CCDC171: variants seen among roughly 807,000 people sequenced by gnomAD.
CCDC171 encodes coiled-coil domain containing 171.
In CCDC171, 177 loss-of-function variants were observed where a neutral mutation model predicts 168.2. The observed-to-expected ratio is 1.05, with a 90% CI of 0.93 to 1.19. The LOEUF (loss-of-function observed/expected upper bound fraction) is 1.19, where lower values mean the gene tolerates loss of function less well. Ranked by LOEUF, CCDC171 falls within the 50% of genes most tolerant of loss-of-function variation. The pLI is 0.00. For missense variants in CCDC171, 1,991 were observed against 1,539.0 expected (o/e 1.29, Z -4.91); for synonymous variants, 687 against 540.8 (o/e 1.27, Z -3.75).
chr9:16,059,215 T>A (rs1444000377), intron 1 of CCDC171, among the ~76,000 whole-genome samples: 1 of 152,210 alleles, frequency 6.6e-6, no homozygotes, highest in African/African-American at 2.4e-5. Context: ...ACATTTGTAT[T>A]TGCTCATGAG....
intron 1 of CCDC171, among the ~76,000 whole-genome samples, chr9:15,559,538 G>A (rs529824132): frequency 6.6e-6 from 1 of 152,216 alleles, no homozygotes; most frequent in East Asian, 1.9e-4. Context: ...TGTCTTATCA[G>A]AGATTAGGAT....
At chr9:15,784,161 A>G (rs1422450444) in intron 20 of CCDC171, among the ~76,000 whole-genome samples, 11 of 152,188 alleles carry the variant, frequency 7.2e-5, no homozygotes, top group Non-Finnish European at 1.5e-4. Flanking sequence ...GTGATCACTT[A>G]AAAGCCAAGG....
At chr9:15,573,914 A>G (rs1330213425) in intron 3 of CCDC171, among the ~76,000 whole-genome samples, 3 of 152,034 alleles carry the variant, frequency 2.0e-5, no homozygotes, top group African/African-American at 7.2e-5. Flanking sequence ...TAAAATAAAA[A>G]TAAATATATT....
chr9:16,092,543 A>G, the CCDC171 span, among the ~76,000 whole-genome samples: 117 of 152,284 alleles, frequency 7.7e-4, 3 homozygotes, highest in African/African-American at 2.8e-3. Context: ...GACATTTGCT[A>G]ACAGAGGTTC....
intron 25 of CCDC171, among the ~76,000 whole-genome samples, chr9:15,926,187 G>C (rs1825869693): frequency 6.6e-6 from 1 of 151,718 alleles, no homozygotes; most frequent in African/African-American, 2.4e-5. Context: ...TTGACACATT[G>C]TAAAGTGGGA....
chr9:15,647,546 A>G (rs547346960), intron 7 of CCDC171, among the ~76,000 whole-genome samples: 19 of 152,308 alleles, frequency 1.2e-4, no homozygotes, highest in African/African-American at 4.6e-4. Context: ...TAGACACAAT[A>G]AAAAATGATA....
At chr9:16,049,244 A>C (rs1345858003) in intron 1 of CCDC171, among the ~76,000 whole-genome samples, 1 of 152,234 alleles carries the variant, frequency 6.6e-6, no homozygotes, top group Non-Finnish European at 1.5e-5. Context: ...TTGGAAATGA[A>C]GTATGGCTTA....
At chr9:15,731,295 T>C (rs1197120966) in intron 16 of CCDC171, among the ~76,000 whole-genome samples, 1 of 152,106 alleles carries the variant, frequency 6.6e-6, no homozygotes, top group African/African-American at 2.4e-5. Flanking sequence ...ACCCATGTGA[T>C]CATTACCCCA....
intron 3 of CCDC171, among the ~76,000 whole-genome samples, chr9:16,019,052 C>G (rs2133014625): frequency 6.6e-6 from 1 of 152,326 alleles, no homozygotes; most frequent in African/African-American, 2.4e-5. Flanking sequence ...AAAACAGGAA[C>G]AAATCTGTTG....
chr9:15,937,897 GT>G (rs1827284510), intron 25 of CCDC171, among the ~76,000 whole-genome samples: 1 of 151,912 alleles, frequency 6.6e-6, no homozygotes. Context: ...CAAGTTAAGA[GT>G]TAATACATAG....
the CCDC171 span, among the ~76,000 whole-genome samples, chr9:16,071,711 C>G: frequency 9.9e-5 from 15 of 152,188 alleles, no homozygotes; most frequent in Non-Finnish European, 2.2e-4. Flanking sequence ...TCTTTTATTC[C>G]TTCTTCTCTT....
intron 3 of CCDC171, among the ~76,000 whole-genome samples, chr9:15,983,273 G>T (rs1368800396): frequency 1.3e-5 from 2 of 151,988 alleles, no homozygotes; most frequent in African/African-American, 4.8e-5. Flanking sequence ...CAGCCACAGA[G>T]AACTGGAAAC....
At chr9:15,860,960 G>C (rs998846626) in intron 23 of CCDC171, among the ~76,000 whole-genome samples, 2 of 151,546 alleles carry the variant, frequency 1.3e-5, no homozygotes, top group Middle Eastern at 3.2e-3. Flanking sequence ...GTGTGTGTGT[G>C]TGATAATTGT....
chr9:15,770,669 C>T (rs574440804), intron 18 of CCDC171, among the ~76,000 whole-genome samples: 4 of 152,166 alleles, frequency 2.6e-5, no homozygotes, highest in Non-Finnish European at 4.4e-5. Flanking sequence ...TTGTCCAACA[C>T]AATTCCCTTA....
At chr9:15,920,931 G>A (rs536169999) in intron 25 of CCDC171, among the ~76,000 whole-genome samples, 1 of 150,666 alleles carries the variant, frequency 6.6e-6, no homozygotes, top group South Asian at 2.1e-4. Flanking sequence ...TAAAATTTCA[G>A]CCCATGATGA....
At chr9:15,961,564 G>T (rs1325413297) in intron 25 of CCDC171, among the ~76,000 whole-genome samples, 1 of 152,224 alleles carries the variant, frequency 6.6e-6, no homozygotes, top group Non-Finnish European at 1.5e-5. Context: ...TTAGATAACT[G>T]AAAACATTGA....
the CCDC171 span, among the ~76,000 whole-genome samples, chr9:16,091,073 C>T: frequency 6.6e-6 from 1 of 152,182 alleles, no homozygotes; most frequent in African/African-American, 2.4e-5. Flanking sequence ...ATGGTCACCC[C>T]CCACCCAGGA....
the CCDC171 span, among the ~76,000 whole-genome samples, chr9:16,088,695 C>T: frequency 6.6e-6 from 1 of 152,110 alleles, no homozygotes; most frequent in African/African-American, 2.4e-5. Flanking sequence ...CAAACCACTG[C>T]TGAAGGAAAT....
chr9:16,074,646 C>T, the CCDC171 span, among the ~76,000 whole-genome samples: 3 of 152,108 alleles, frequency 2.0e-5, no homozygotes, highest in African/African-American at 7.2e-5. Context: ...AACATCTCAT[C>T]TAAGATGGTT....
Sources: allele counts gnomAD v4.1 joint callset (sites outside exome capture counted in the v4.1 genomes callset), GRCh38; gene constraint gnomAD v4.1.1; transcripts MANE v1.5; gene names NCBI Gene and HGNC (gene_info 2026-07-23, HGNC 2026-07-21).